UBE4B: variants seen among roughly 807,000 people sequenced by gnomAD.
The protein encoded by UBE4B is ubiquitination factor E4B.
A neutral mutation model predicts 148.1 loss-of-function variants in UBE4B; 27 were observed. The ratio of observed to expected loss-of-function variants is 0.18; its 90% CI spans 0.13 to 0.25. The LOEUF (loss-of-function observed/expected upper bound fraction) is 0.25. Among genes scored for constraint, UBE4B ranks in the 10% least tolerant of loss-of-function variants. The pLI, the probability that UBE4B is intolerant of heterozygous loss-of-function variation, is 1.00. For missense variants in UBE4B, 1,170 were observed against 1,662.4 expected (o/e 0.70, Z 5.15); for synonymous variants, 596 against 619.3 (o/e 0.96, Z 0.56).
chr1:10,049,627 A>G (rs1643989808), intron 1 of UBE4B, among the ~76,000 whole-genome samples: 1 of 152,044 alleles, frequency 6.6e-6, no homozygotes, highest in South Asian at 2.1e-4. Flanking sequence ...TTGGCTGGGC[A>G]TAGTGTCTCA....
chr1:10,147,227 A>T, intron 19 of UBE4B, 137 bp downstream of exon 19: 2 of 1,383,902 alleles, frequency 1.4e-6, no homozygotes, highest in Non-Finnish European at 9.9e-7. Flanking sequence ...GCAGTGGTTC[A>T]CGCCTGTAAT....
At chr1:10,154,272 A>C (rs1456997704) in intron 21 of UBE4B, among the ~76,000 whole-genome samples, 1 of 149,800 alleles carries the variant, frequency 6.7e-6, no homozygotes, top group Non-Finnish European at 1.5e-5. Flanking sequence ...AACAAAACAA[A>C]ATTAGCCGGG....
intron 25 of UBE4B, among the ~76,000 whole-genome samples, chr1:10,173,479 C>CA (rs551633759): frequency 0.17 from 21,478 of 124,074 alleles, 2,450 homozygotes; most frequent in African/African-American, 0.35. Flanking sequence ...AAGACTGTCT[C>CA]AAAAAAAAAA....
At chr1:10,061,785 T>G (rs1044871368) in intron 1 of UBE4B, among the ~76,000 whole-genome samples, 1 of 152,178 alleles carries the variant, frequency 6.6e-6, no homozygotes, top group Non-Finnish European at 1.5e-5. Flanking sequence ...ACTCTCAAAC[T>G]TTTTCCTTTG....
intron 7 of UBE4B, among the ~76,000 whole-genome samples, chr1:10,114,261 G>A (rs973122066): frequency 6.6e-6 from 1 of 152,178 alleles, no homozygotes; most frequent in African/African-American, 2.4e-5. Context: ...GTACAAGCCT[G>A]TTTTAGCAAA....
chr1:10,180,096 A>C lies in UBE4B; in HGVS notation c.*140A>C. On this transcript the variant is annotated 3_prime_UTR_variant, in exon 28 of 28. Transcript: ENST00000343090. The stretch of plus-strand genomic sequence containing the variant: ...CCCCAGGCCCACCCAGAGCGAGCAA[A>C]CGCTGAGACCTGAAAGGACATGGAT... 1 of 955,612 alleles carries C rather than the reference A, an allele frequency of 1.0e-6. No homozygotes were observed. The highest frequency in any genetic ancestry group is 1.6e-6 in the Non-Finnish European group (1 of 627,206). The allele number at this position is 955,612 out of a possible 1,614,324, so 59.2% of individuals were successfully genotyped here. A position where few individuals can be genotyped will look rare whatever the true frequency, so the allele number is the denominator to read the frequency against.
At chr1:10,061,298 G>T (rs1644280898) in intron 1 of UBE4B, among the ~76,000 whole-genome samples, 1 of 152,156 alleles carries the variant, frequency 6.6e-6, no homozygotes, top group African/African-American at 2.4e-5. Context: ...CTGTCACCCA[G>T]GCTGGAGTGC....
chr1:10,135,518 C>A (rs924665036), intron 16 of UBE4B, among the ~76,000 whole-genome samples: 4 of 151,898 alleles, frequency 2.6e-5, no homozygotes, highest in Non-Finnish European at 2.9e-5. Flanking sequence ...GTGGGCAGAT[C>A]AAAAGGTCCG....
chr1:10,121,876 CTG>C lies in UBE4B; in HGVS notation c.1440-85_1440-84del, dbSNP rs1645416617. The C allele has an allele frequency of 7.6e-6, 6 of 793,454 alleles. No individual in the cohort carries two copies. The Admixed American group carries it at 1.5e-4, about 20-fold the overall frequency. The allele number at this position is 793,454 out of a possible 1,614,324, so 49.2% of individuals were successfully genotyped here. ...GGGAGATGTCAAGTTTGACTTTTGA[CTG>C]GGCAGTTGTTGCTGACATGACATTT... is the stretch of plus-strand genomic sequence containing the variant. On this transcript the variant is annotated intron_variant, in intron 9 of 27. Transcript: ENST00000343090.
At chr1:10,121,940 C>G in intron 9 of UBE4B, 22 bp from the exon 10 acceptor site, 1 of 1,549,352 alleles carries the variant, frequency 6.5e-7, no homozygotes, top group East Asian at 2.3e-5. Flanking sequence ...CATCACCGTC[C>G]CTAATGTTCA....
intron 15 of UBE4B, among the ~76,000 whole-genome samples, chr1:10,134,350 A>C (rs958955979): frequency 6.6e-6 from 1 of 151,978 alleles, no homozygotes; most frequent in African/African-American, 2.4e-5. Flanking sequence ...ATCTCTACTA[A>C]AAATACAAAA....
At chr1:10,176,942 C>T (rs866297616) in intron 25 of UBE4B, among the ~76,000 whole-genome samples, 32 of 151,392 alleles carry the variant, frequency 2.1e-4, no homozygotes, top group Middle Eastern at 3.2e-3. Flanking sequence ...TGCACCATCA[C>T]GCCTGGCTAA....
chr1:10,035,282 C>G (rs563727976), intron 1 of UBE4B, among the ~76,000 whole-genome samples: 1 of 151,992 alleles, frequency 6.6e-6, no homozygotes, highest in Admixed American at 6.6e-5. Context: ...CAGGCGTGAG[C>G]CACCGCGCCT....
chr1:10,152,005 T>C (rs2101989326), intron 21 of UBE4B, among the ~76,000 whole-genome samples: 1 of 152,144 alleles, frequency 6.6e-6, no homozygotes, highest in African/African-American at 2.4e-5. Flanking sequence ...ATGCCTGTAA[T>C]CCCAGCACTT....
At chr1:10,091,726 C>T (rs1211093172) in intron 2 of UBE4B, among the ~76,000 whole-genome samples, 1 of 152,158 alleles carries the variant, frequency 6.6e-6, no homozygotes, top group Non-Finnish European at 1.5e-5. Flanking sequence ...CTGACTCAGC[C>T]TCCCTAGTAG....
intron 15 of UBE4B, 85 bp downstream of exon 15, chr1:10,132,567 C>G (rs1645613296): frequency 5.2e-6 from 6 of 1,155,178 alleles, no homozygotes; most frequent in Non-Finnish European, 7.6e-6. Flanking sequence ...AGGCACTGTT[C>G]TAGGAGTGGG....
rs746636059 is a variant in UBE4B at position 10,158,485 on chromosome 1, G to A, written c.3053+3G>A. 1 of 1,613,456 alleles carries A rather than the reference G, an allele frequency of 6.2e-7. No individual in the cohort carries two copies. Among genetic ancestry groups the A allele is most frequent in the Non-Finnish European group, 8.5e-7 (1 of 1,179,774 alleles). On this transcript the variant is annotated splice_donor_region_variant and intron_variant, in intron 22 of 27. Transcript: ENST00000343090. ...GGCACCTTTATGGAGGAGTTCAAGT[G>A]AGTATGGGGCCCCTCGTGTCACAAC... is the stretch of plus-strand genomic sequence containing the variant.
chr1:10,092,479 C>T (rs1354866816), intron 2 of UBE4B, among the ~76,000 whole-genome samples: 5 of 151,854 alleles, frequency 3.3e-5, no homozygotes, highest in Admixed American at 3.3e-4. Context: ...CGCCTCAGCT[C>T]CCAAAGTGCT....
At chr1:10,149,854 T>C (rs1479470742) in intron 20 of UBE4B, among the ~76,000 whole-genome samples, 2 of 152,144 alleles carry the variant, frequency 1.3e-5, no homozygotes, top group Non-Finnish European at 2.9e-5. Flanking sequence ...GTGAAGTCTA[T>C]TGTGAAAAGT....
Sources: gnomAD v4.1 joint callset for allele counts (sites outside exome capture counted in the v4.1 genomes callset) on GRCh38, gnomAD v4.1.1 for gene constraint, MANE v1.5 for transcripts, NCBI Gene and HGNC (gene_info 2026-07-23, HGNC 2026-07-21) for gene names.